Variants in DSCAML1 observed in about 807,000 individuals in gnomAD.
DSCAML1 encodes the protein DS cell adhesion molecule like 1, also known as cell adhesion molecule DSCAML1.
In DSCAML1, 38 loss-of-function variants were observed where a neutral mutation model predicts 200.5. The ratio of observed to expected loss-of-function variants is 0.19; its 90% CI spans 0.15 to 0.25. DSCAML1 has a LOEUF of 0.25. Among genes scored for constraint, DSCAML1 ranks in the 10% least tolerant of loss-of-function variants. The pLI, the probability that DSCAML1 is intolerant of heterozygous loss-of-function variation, is 1.00. For synonymous variants in DSCAML1, 1,215 were observed against 1,165.0 expected, an observed-to-expected ratio of 1.04 and a Z score of -0.87; for missense variants, 2,223 against 2,858.8, an observed-to-expected ratio of 0.78 and a Z score of 5.07.
chr11:117,702,616 T>C (rs1164742038), intron 3 of DSCAML1, among the ~76,000 whole-genome samples: 1 of 152,156 alleles, frequency 6.6e-6, no homozygotes, highest in Non-Finnish European at 1.5e-5. Flanking sequence ...TCACATTGCC[T>C]GGCGCATAGT....
chr11:117,695,283 A>G (rs889618855), intron 3 of DSCAML1, among the ~76,000 whole-genome samples: 6 of 149,908 alleles, frequency 4.0e-5, no homozygotes, highest in African/African-American at 1.5e-4. Context: ...ATAACAGGGC[A>G]GATCTTTTTT....
chr11:117,610,549 G>A lies in DSCAML1; in HGVS notation c.512-78027C>T, dbSNP rs1233802622. Among the ~76,000 whole-genome samples the A allele has an allele frequency of 2.6e-5, 4 of 152,082 alleles. No individual in the cohort carries two copies. In the South Asian group the frequency reaches 8.3e-4, roughly 32 times the overall value. On this transcript the variant is annotated intron_variant, in intron 3 of 32. Coordinates refer to ENST00000651296, the MANE Select transcript of DSCAML1 (RefSeq NM_020693.4). ...GGCTCATGGAGTGGTGAGAACAGACGGTGGGGAGGAAGAGGTAATGGAGGT... is the reference window on the plus strand; with the variant it reads ...GGCTCATGGAGTGGTGAGAACAGACAGTGGGGAGGAAGAGGTAATGGAGGT...
intron 3 of DSCAML1, among the ~76,000 whole-genome samples, chr11:117,617,314 G>A (rs539501469): frequency 6.6e-6 from 1 of 152,300 alleles, no homozygotes; most frequent in South Asian, 2.1e-4. Flanking sequence ...AGCCCTCCAG[G>A]CTCGGCCACT....
intron 11 of DSCAML1, among the ~76,000 whole-genome samples, chr11:117,487,849 GT>G (rs1379227592): frequency 6.6e-6 from 1 of 152,174 alleles, no homozygotes; most frequent in African/African-American, 2.4e-5. Context: ...ATTTTCTGCT[GT>G]TTGGGGAAAG....
Position 117,701,424 on chromosome 11 carries a change from C to G in DSCAML1, c.511+75367G>C, listed in dbSNP as rs1348523428. On this transcript the variant is annotated intron_variant, in intron 3 of 32. Coordinates refer to ENST00000651296, the MANE Select transcript of DSCAML1 (RefSeq NM_020693.4). ...CCAGAGAAAAACAGCCTTTGAGAACCCGCTTATGGTCAATTAAAAATCCCA... is the reference window on the plus strand; with the variant it reads ...CCAGAGAAAAACAGCCTTTGAGAACGCGCTTATGGTCAATTAAAAATCCCA... 3.3e-5 allele frequency among the ~76,000 whole-genome samples: 5 copies of G among 152,282 alleles called. No homozygotes were observed. In the East Asian group the frequency reaches 5.8e-4, roughly 18 times the overall value.
intron 3 of DSCAML1, among the ~76,000 whole-genome samples, chr11:117,606,993 TCAC>T (rs933132356): frequency 2.6e-5 from 4 of 152,156 alleles, no homozygotes; most frequent in African/African-American, 9.7e-5. Context: ...ACTGACAAAA[TCAC>T]AGCCCTGCCC....
intron 17 of DSCAML1, among the ~76,000 whole-genome samples, chr11:117,462,269 C>A (rs1451402155): frequency 1.3e-5 from 2 of 152,190 alleles, no homozygotes; most frequent in African/African-American, 4.8e-5. Context: ...CTCTCTGAGA[C>A]CAGCTTAGGT....
upstream of DSCAML1, chr11:117,797,305 A>T: frequency 7.6e-7 from 1 of 1,313,560 alleles, no homozygotes; most frequent in Admixed American, 4.2e-5. Flanking sequence ...CCCCCGCGGC[A>T]CCCCGGGTGG....
At chr11:117,721,504 C>G (rs2054040661) in intron 3 of DSCAML1, among the ~76,000 whole-genome samples, 1 of 152,080 alleles carries the variant, frequency 6.6e-6, no homozygotes, top group Non-Finnish European at 1.5e-5. Context: ...CCTCCTGGCC[C>G]TGTTCTTTGG....
rs2055246916 is a variant in DSCAML1, at chr11:117,780,963, G to GCA, written c.47-155_47-154dup. On this transcript the variant is annotated intron_variant, in intron 1 of 32. Transcript: ENST00000651296. This position sits in a 1 kb window ranked among gnomAD's most constrained non-coding sequence, Gnocchi z 4.8. ...TTATTGAGCACTGACTATACACCAG[G>GCA]CACTGGCAAAGGTGAATCAGAGACA... 6.6e-6 allele frequency among the ~76,000 whole-genome samples: 1 copy of GCA among 152,178 alleles called. No individual in the cohort carries two copies. Among genetic ancestry groups the GCA allele is most frequent in the Non-Finnish European group, 1.5e-5 (1 of 68,036 alleles).
chr11:117,480,386 ACGT>A lies in DSCAML1; in HGVS notation c.2785+54_2785+56del, dbSNP rs2048887826. 6.2e-7 allele frequency: 1 copy of A among 1,604,718 alleles called. No individual in the cohort carries two copies. The highest frequency in any genetic ancestry group is 1.1e-5 in the South Asian group (1 of 89,162). On this transcript the variant is annotated intron_variant, in intron 14 of 32. Coordinates refer to ENST00000651296, the MANE Select transcript of DSCAML1 (RefSeq NM_020693.4). The surrounding 1 kb of genome is among the most constrained non-coding windows in gnomAD (Gnocchi z 4.1). ...TCCTCCCAGAGGGCACAGGCAGGAC[ACGT>A]GGCACAAGGGGCCATGGCAGGCCAC...
intron 8 of DSCAML1, among the ~76,000 whole-genome samples, chr11:117,512,997 GC>G (rs2049674371): frequency 6.6e-6 from 1 of 152,190 alleles, no homozygotes; most frequent in Admixed American, 6.5e-5. Context: ...GTCCTCTGAG[GC>G]CCGCTGCACC....
At chr11:117,728,784 TAAAG>T (rs1016991310) in intron 3 of DSCAML1, among the ~76,000 whole-genome samples, 20 of 152,278 alleles carry the variant, frequency 1.3e-4, no homozygotes, top group Middle Eastern at 3.4e-3. Context: ...TGAAAGTAAT[TAAAG>T]AAGACATAAA....
chr11:117,809,930 CACGCA>C (rs1285508918), intron 1 of DSCAML1, among the ~76,000 whole-genome samples: 1 of 149,708 alleles, frequency 6.7e-6, no homozygotes. Flanking sequence ...CATTCACACA[CACGCA>C]TATTCACATA....
intron 4 of DSCAML1, 29 bp downstream of exon 4, chr11:117,532,347 C>A (rs762632010): frequency 2.5e-6 from 4 of 1,604,116 alleles, no homozygotes; most frequent in African/African-American, 1.3e-5. Context: ...TCCCAGCCTG[C>A]CCCGTTCTCC....
intron 1 of DSCAML1, among the ~76,000 whole-genome samples, chr11:117,809,283 C>A (rs367567436): frequency 6.6e-6 from 1 of 152,228 alleles, no homozygotes; most frequent in East Asian, 1.9e-4. Context: ...CGTCTGCACT[C>A]CTGGAAAGTG....
At chr11:117,493,995 G>A (rs1163497871) in intron 11 of DSCAML1, among the ~76,000 whole-genome samples, 2 of 152,136 alleles carry the variant, frequency 1.3e-5, no homozygotes, top group African/African-American at 2.4e-5. Context: ...TTTATTGAAA[G>A]CTTATTATGT....
chr11:117,739,202 G>A (rs1164721274), intron 3 of DSCAML1, among the ~76,000 whole-genome samples: 1 of 152,216 alleles, frequency 6.6e-6, no homozygotes, highest in Admixed American at 6.5e-5. Context: ...AGGCAGGGAA[G>A]GGACTTGACT....
chr11:117,450,500 C>A lies in DSCAML1; in HGVS notation c.3708+49G>T, dbSNP rs183101938. On this transcript the variant is annotated intron_variant, in intron 20 of 32. Transcript: ENST00000651296. ...GGAAGCCGGCTGATGTACAAGGTCC[C>A]TTTTCTTTTCTTCCATCCCCTTCAT... 4.3e-4 allele frequency: 682 copies of A among 1,593,910 alleles called. 4 individuals are homozygous for A. The African/African-American group carries it at 8.0e-3, about 19-fold the overall frequency.
Sources: allele counts gnomAD v4.1 joint callset (sites outside exome capture counted in the v4.1 genomes callset), GRCh38; gene constraint gnomAD v4.1.1; non-coding constraint Gnocchi (gnomAD v3.1); transcripts MANE v1.5; gene names NCBI Gene and HGNC (gene_info 2026-07-23, HGNC 2026-07-21).